CATSPERE: variants seen among roughly 807,000 people sequenced by gnomAD.
CATSPERE encodes catsper channel auxiliary subunit epsilon, also known as cation channel sperm-associated auxiliary subunit epsilon.
Under a neutral mutation model 114.1 loss-of-function variants are expected in CATSPERE, and 93 were observed. The observed-to-expected ratio is 0.81, with a 90% confidence interval of 0.69 to 0.97. The LOEUF (loss-of-function observed/expected upper bound fraction) is 0.97. Among genes scored for constraint, CATSPERE ranks in the 50% least tolerant of loss-of-function variants. CATSPERE has a pLI of 0.00. For missense variants in CATSPERE, 1,058 were observed against 1,131.6 expected (o/e 0.93, Z 0.93); for synonymous variants, 341 against 384.1 (o/e 0.89, Z 1.31).
intron 2 of CATSPERE, among the ~76,000 whole-genome samples, chr1:244,476,752 G>T (rs1378367523): frequency 6.6e-6 from 1 of 152,148 alleles, no homozygotes; most frequent in Non-Finnish European, 1.5e-5. Context: ...AAGTGAATTG[G>T]TATACTTCAG....
At chr1:244,484,060 CTATT>C (rs1373884163) in intron 5 of CATSPERE, among the ~76,000 whole-genome samples, 4 of 152,080 alleles carry the variant, frequency 2.6e-5, no homozygotes, top group East Asian at 1.9e-4. Context: ...AATGCATAAT[CTATT>C]TATCCAGAAT....
chr1:244,560,472 C>T (rs1480446573), intron 9 of CATSPERE, among the ~76,000 whole-genome samples, 196 bp from the exon 10 acceptor site: 1 of 151,892 alleles, frequency 6.6e-6, no homozygotes, highest in Non-Finnish European at 1.5e-5. Context: ...GTGTACACTG[C>T]TCAGGTGATG....
intron 9 of CATSPERE, among the ~76,000 whole-genome samples, chr1:244,555,622 T>C (rs547680626): frequency 1.3e-5 from 2 of 152,196 alleles, no homozygotes; most frequent in Admixed American, 6.5e-5. Flanking sequence ...GGCATTTAAA[T>C]TGGAAAAGAG....
intron 21 of CATSPERE, 108 bp downstream of exon 21, chr1:244,635,650 C>A: frequency 2.6e-6 from 2 of 758,108 alleles, no homozygotes; most frequent in Non-Finnish European, 4.5e-6. Context: ...GCAGCCTGTG[C>A]ACTCACTTTT....
At chr1:244,628,156 C>T (rs1558623186) in intron 20 of CATSPERE, among the ~76,000 whole-genome samples, 1 of 152,198 alleles carries the variant, frequency 6.6e-6, no homozygotes, top group African/African-American at 2.4e-5. Flanking sequence ...TCAGCTCTTA[C>T]TGTGCCTCAT....
At chr1:244,473,340 A>C (rs1668776541) in intron 2 of CATSPERE, among the ~76,000 whole-genome samples, 1 of 152,126 alleles carries the variant, frequency 6.6e-6, no homozygotes, top group South Asian at 2.1e-4. Flanking sequence ...TTTAATTTGC[A>C]GTTCCCTAAT....
intron 7 of CATSPERE, among the ~76,000 whole-genome samples, chr1:244,508,200 C>G (rs547721512): frequency 6.6e-6 from 1 of 151,574 alleles, no homozygotes; most frequent in East Asian, 1.9e-4. Context: ...GAAATTTATT[C>G]CTAGGTAATT....
At chr1:244,600,451 G>A (rs147424013) in intron 17 of CATSPERE, among the ~76,000 whole-genome samples, 155 of 152,026 alleles carry the variant, frequency 1.0e-3, no homozygotes, top group Middle Eastern at 3.4e-3. Context: ...GAATTTGTAG[G>A]CAAAAACATA....
chr1:244,557,039 T>C (rs939439031), intron 9 of CATSPERE, among the ~76,000 whole-genome samples: 2 of 152,184 alleles, frequency 1.3e-5, no homozygotes, highest in African/African-American at 4.8e-5. Flanking sequence ...TATATATGCA[T>C]GGGTTTACTT....
intron 7 of CATSPERE, among the ~76,000 whole-genome samples, chr1:244,510,453 C>T (rs1675514778): frequency 6.6e-6 from 1 of 152,108 alleles, no homozygotes; most frequent in South Asian, 2.1e-4. Flanking sequence ...AATTTTACTC[C>T]ACTGTGGTCA....
intron 7 of CATSPERE, among the ~76,000 whole-genome samples, chr1:244,514,656 C>G (rs946253750): frequency 6.6e-6 from 1 of 151,754 alleles, no homozygotes; most frequent in Admixed American, 6.6e-5. Context: ...GGTGAAACCC[C>G]GTCTCTACTA....
intron 9 of CATSPERE, among the ~76,000 whole-genome samples, chr1:244,557,567 A>ATG (rs2148518432): frequency 1.2e-5 from 1 of 80,632 alleles, no homozygotes; most frequent in South Asian, 3.6e-4. Flanking sequence ...ATATATATAT[A>ATG]TATATATATA....
At chr1:244,451,332 G>A (rs1665584385), upstream of CATSPERE, among the ~76,000 whole-genome samples, 1 of 152,282 alleles carries the variant, frequency 6.6e-6, no homozygotes, top group Middle Eastern at 3.4e-3. The surrounding 1 kb of genome is among the most constrained non-coding windows in gnomAD (Gnocchi z 6.6). Context: ...TCCCGGCGCT[G>A]AGCACCACTC....
At chr1:244,475,688 C>A (rs3003205) in intron 2 of CATSPERE, among the ~76,000 whole-genome samples, 60,726 of 151,428 alleles carry the variant, frequency 0.4, 12,774 homozygotes, top group East Asian at 0.73. Flanking sequence ...AGGTGCGCAC[C>A]ACCACGCCTA....
upstream of CATSPERE, among the ~76,000 whole-genome samples, chr1:244,453,191 ATTG>A (rs1197964482): frequency 6.6e-6 from 1 of 152,214 alleles, no homozygotes; most frequent in Non-Finnish European, 1.5e-5. Context: ...CTATGTGATA[ATTG>A]TTGTCTATCT....
intron 2 of CATSPERE, among the ~76,000 whole-genome samples, chr1:244,468,394 A>G (rs546308860): frequency 6.6e-6 from 1 of 152,116 alleles, no homozygotes; most frequent in South Asian, 2.1e-4. Flanking sequence ...ACCCAGCCTT[A>G]TTGGTCTTTT....
chr1:244,622,224 A>T (rs1291280237), intron 20 of CATSPERE, among the ~76,000 whole-genome samples: 1 of 152,202 alleles, frequency 6.6e-6, no homozygotes, highest in Non-Finnish European at 1.5e-5. Flanking sequence ...CAGTTCAAAT[A>T]GATGACAGCT....
At chr1:244,453,746 G>A (rs575850083), upstream of CATSPERE, among the ~76,000 whole-genome samples, 5 of 152,326 alleles carry the variant, frequency 3.3e-5, no homozygotes, top group African/African-American at 4.8e-5. Flanking sequence ...GTGTCTGTCT[G>A]TAGCCCCATT....
intron 9 of CATSPERE, among the ~76,000 whole-genome samples, chr1:244,556,225 T>G (rs73115410): frequency 0.013 from 1,982 of 151,938 alleles, 38 homozygotes; most frequent in African/African-American, 0.045. Flanking sequence ...TAAATTTAAG[T>G]GGATGTATTG....
Sources: gnomAD v4.1 joint callset for allele counts (sites outside exome capture counted in the v4.1 genomes callset) on GRCh38, gnomAD v4.1.1 for gene constraint, Gnocchi (gnomAD v3.1) non-coding constraint, MANE v1.5 for transcripts, NCBI Gene and HGNC (gene_info 2026-07-23, HGNC 2026-07-21) for gene names.